The following SHISAL2B variants were observed in gnomAD, a reference collection of about 807,000 sequenced individuals.
SHISAL2B encodes the protein protein shisa-like-2B.
Under a neutral mutation model 16.5 loss-of-function variants are expected in SHISAL2B, and 12 were observed. The observed-to-expected ratio is 0.73, with a 90% CI of 0.47 to 1.18. The LOEUF (loss-of-function observed/expected upper bound fraction) is 1.18. SHISAL2B is among the 50% of genes most tolerant of loss of function. The pLI, the probability that SHISAL2B is intolerant of heterozygous loss-of-function variation, is 0.00. For missense variants in SHISAL2B, 183 were observed against 193.6 expected (o/e 0.95, Z 0.33); for synonymous variants, 72 against 75.0 (o/e 0.96, Z 0.21).
intron 2 of SHISAL2B, among the ~76,000 whole-genome samples, chr5:64,715,028 AC>A (rs1742025200): frequency 6.6e-6 from 1 of 152,096 alleles, no homozygotes; most frequent in Non-Finnish European, 1.5e-5. Context: ...GGAGCTGTAG[AC>A]CGGAGCTGTT....
At chr5:64,696,334 G>A (rs1402625127) in intron 2 of SHISAL2B, among the ~76,000 whole-genome samples, 1 of 152,170 alleles carries the variant, frequency 6.6e-6, no homozygotes, top group Non-Finnish European at 1.5e-5. Flanking sequence ...CAAATTGATT[G>A]TAAAACATGT....
Position 64,718,091 on chromosome 5 carries a change from C to A in SHISAL2B, c.*69C>A. 7.5e-7 allele frequency: 1 copy of A among 1,337,578 alleles called. No homozygotes were observed. The highest frequency in any genetic ancestry group is 9.7e-7 in the Non-Finnish European group (1 of 1,028,496). The allele number at this position is 1,337,578 out of a possible 1,614,324, so 82.9% of individuals were successfully genotyped here. On this transcript the variant is annotated 3_prime_UTR_variant, in exon 3 of 3. Coordinates refer to ENST00000389074, the MANE Select transcript of SHISAL2B (RefSeq NM_001164442.2). ...ATAAAAATAAAGCGTGCACTTGAAA[C>A]GGTTTGTAATATTGCTTTTCAAAAA... is the stretch of plus-strand genomic sequence containing the variant.
At chr5:64,693,373 T>C (rs1162032465) in intron 1 of SHISAL2B, among the ~76,000 whole-genome samples, 2 of 152,190 alleles carry the variant, frequency 1.3e-5, no homozygotes, top group Admixed American at 6.5e-5. Context: ...TGAAGAACAT[T>C]CTTTTTTAAC....
intron 2 of SHISAL2B, among the ~76,000 whole-genome samples, chr5:64,712,990 T>G (rs1180805304): frequency 6.6e-6 from 1 of 152,206 alleles, no homozygotes; most frequent in Non-Finnish European, 1.5e-5. Flanking sequence ...TGACTCTTTA[T>G]GCAACTTGCC....
intron 2 of SHISAL2B, among the ~76,000 whole-genome samples, chr5:64,716,416 CAA>C (rs1381738204): frequency 6.6e-6 from 1 of 152,028 alleles, no homozygotes; most frequent in Non-Finnish European, 1.5e-5. Context: ...ACAAAATAGT[CAA>C]AAGTTTCTTG....
intron 2 of SHISAL2B, among the ~76,000 whole-genome samples, chr5:64,708,072 C>A (rs1368751396): frequency 1.3e-5 from 2 of 152,136 alleles, no homozygotes; most frequent in African/African-American, 4.8e-5. Flanking sequence ...ACTTCTGTGG[C>A]ATACAACAGT....
At position 64,690,678 on chromosome 5, in the gene SHISAL2B, G is replaced by T. The variant is rs747037670; in HGVS notation, c.55G>T (p.Val19Leu). 6.5e-7 allele frequency: 1 copy of T among 1,534,364 alleles called. No individual in the cohort carries two copies. Among genetic ancestry groups the T allele is most frequent in the Non-Finnish European group, 8.7e-7 (1 of 1,145,906 alleles). ...SGYYSLNQSF[V>L]EPFQCPRRGE... ...CTACTACAGCCTCAACCAGAGCTTC[G>T]TGGAGCCCTTCCAGTGCCCCCGGCG... Residue 19 changes from valine (V) to leucine (L), a missense_variant, in exon 1 of 3, where the codon GTG becomes TTG. By Grantham distance (32) the Val-to-Leu change is conservative. Coordinates refer to ENST00000389074, the MANE Select transcript of SHISAL2B (RefSeq NM_001164442.2).
At chr5:64,693,183 A>G (rs909301548) in intron 1 of SHISAL2B, among the ~76,000 whole-genome samples, 5 of 151,712 alleles carry the variant, frequency 3.3e-5, no homozygotes, top group Admixed American at 6.6e-5. Flanking sequence ...AATTTTTTGT[A>G]TTTTTAGTAG....
chr5:64,706,109 G>A (rs781119588), intron 2 of SHISAL2B, among the ~76,000 whole-genome samples: 5 of 152,326 alleles, frequency 3.3e-5, no homozygotes, highest in East Asian at 1.9e-4. Flanking sequence ...ACAGTGAGCC[G>A]AGATTGCACC....
rs1741813303 is a variant in SHISAL2B, at chr5:64,701,888, T to C, written c.349+6224T>C. 7.2e-5 allele frequency among the ~76,000 whole-genome samples: 11 copies of C among 152,338 alleles called. 1 individual carries two copies. In the South Asian group the frequency reaches 1.9e-3, roughly 26 times the overall value. On this transcript the variant is annotated intron_variant, in intron 2 of 2. Transcript: ENST00000389074. ...GGTCTGCTATATTCGTCTTAGAAGA[T>C]ATCCTTGCTCCCCCAAAAGAAAATC...
intron 2 of SHISAL2B, among the ~76,000 whole-genome samples, chr5:64,696,009 G>T (rs1741728450): frequency 6.6e-6 from 1 of 152,174 alleles, no homozygotes; most frequent in Admixed American, 6.5e-5. Flanking sequence ...TCAAATTGTT[G>T]CAGGAAGTCA....
At chr5:64,706,419 G>T (rs546200042) in intron 2 of SHISAL2B, among the ~76,000 whole-genome samples, 1 of 152,346 alleles carries the variant, frequency 6.6e-6, no homozygotes, top group Admixed American at 6.5e-5. Flanking sequence ...AGGCAGGTTT[G>T]CCTTAAGCAG....
At chr5:64,693,622 T>C (rs1741686294) in intron 1 of SHISAL2B, among the ~76,000 whole-genome samples, 1 of 152,200 alleles carries the variant, frequency 6.6e-6, no homozygotes, top group African/African-American at 2.4e-5. Context: ...TAATATTAAC[T>C]GAGTGGATTA....
At chr5:64,709,593 G>C (rs1342701814) in intron 2 of SHISAL2B, among the ~76,000 whole-genome samples, 1 of 151,258 alleles carries the variant, frequency 6.6e-6, no homozygotes, top group Non-Finnish European at 1.5e-5. Context: ...TCTAGTTCTA[G>C]ATCCCTGAGG....
At chr5:64,701,855 C>CT (rs1456116359) in intron 2 of SHISAL2B, among the ~76,000 whole-genome samples, 2 of 152,158 alleles carry the variant, frequency 1.3e-5, no homozygotes, top group African/African-American at 4.8e-5. Flanking sequence ...TTTGGGCTGG[C>CT]TCAGCATGGT....
intron 2 of SHISAL2B, among the ~76,000 whole-genome samples, chr5:64,713,038 C>T (rs1580527392): frequency 1.3e-5 from 2 of 151,760 alleles, no homozygotes; most frequent in South Asian, 4.2e-4. Context: ...AGTCCATTTA[C>T]ATTTAAAGTT....
At chr5:64,703,754 A>G (rs569863463) in intron 2 of SHISAL2B, among the ~76,000 whole-genome samples, 1 of 152,234 alleles carries the variant, frequency 6.6e-6, no homozygotes, top group Admixed American at 6.5e-5. Flanking sequence ...TCTGACTACA[A>G]CTGCCTCCAC....
chr5:64,718,027 A>G lies in SHISAL2B; in HGVS notation c.*5A>G. On this transcript the variant is annotated 3_prime_UTR_variant, in exon 3 of 3. Transcript: ENST00000389074. ...CAAATCCACATTGCTTATTAACTAA[A>G]AATTCTGTGTTTTAAATGCTTACTG... 2.0e-6 allele frequency: 3 copies of G among 1,495,602 alleles called. No individual in the cohort carries two copies. The highest frequency in any genetic ancestry group is 2.6e-6 in the Non-Finnish European group (3 of 1,136,228). The allele number at this position is 1,495,602 out of a possible 1,614,324, so 92.6% of individuals were successfully genotyped here. A position where few individuals can be genotyped will look rare whatever the true frequency, so the allele number is the denominator to read the frequency against.
intron 2 of SHISAL2B, among the ~76,000 whole-genome samples, chr5:64,714,442 A>G (rs1742006456): frequency 2.0e-5 from 3 of 149,384 alleles, no homozygotes; most frequent in African/African-American, 7.6e-5. Flanking sequence ...GCTCTCTTCA[A>G]AGCTGTCAGA....
Sources: allele counts gnomAD v4.1 joint callset (sites outside exome capture counted in the v4.1 genomes callset), GRCh38; gene constraint gnomAD v4.1.1; transcripts MANE v1.5; gene names NCBI Gene and HGNC (gene_info 2026-07-23, HGNC 2026-07-21).